EYS: variants seen among roughly 807,000 people sequenced by gnomAD.
The protein encoded by EYS is EGF-like photoreceptor maintenance factor.
A neutral mutation model predicts 282.1 loss-of-function variants in EYS; 250 were observed. That is an observed-to-expected ratio of 0.89 (90% confidence interval 0.80 to 0.98). The LOEUF is 0.98. EYS is among the 50% of genes least tolerant of loss of function. The pLI, the probability that EYS is intolerant of heterozygous loss-of-function variation, is 0.00. For synonymous variants in EYS, 1,355 were observed against 1,282.9 expected (o/e 1.06, Z -1.20); for missense variants, 4,016 against 3,709.0 (o/e 1.08, Z -2.15).
At chr6:64,949,836 A>G (rs765706927) in intron 14 of EYS, among the ~76,000 whole-genome samples, 2 of 151,902 alleles carry the variant, frequency 1.3e-5, no homozygotes, top group Non-Finnish European at 2.9e-5. Flanking sequence ...CTTCATATGT[A>G]AAGTACTAAC....
intron 19 of EYS, among the ~76,000 whole-genome samples, chr6:64,877,083 G>A (rs970269840): frequency 6.6e-6 from 1 of 152,152 alleles, no homozygotes; most frequent in African/African-American, 2.4e-5. Context: ...TAGGATCATT[G>A]CAATATAGGT....
chr6:64,854,584 G>A (rs902870733), intron 19 of EYS, among the ~76,000 whole-genome samples: 1 of 122,426 alleles, frequency 8.2e-6, no homozygotes, highest in Non-Finnish European at 1.6e-5. Flanking sequence ...ACACACGGGG[G>A]CCTGTTGTGG....
At chr6:64,683,152 GA>G (rs774868099) in intron 22 of EYS, among the ~76,000 whole-genome samples, 3 of 152,166 alleles carry the variant, frequency 2.0e-5, no homozygotes, top group Non-Finnish European at 4.4e-5. Flanking sequence ...GCTAAAGGCA[GA>G]ATCAACATTC....
At chr6:64,722,594 A>G (rs1346605982) in intron 22 of EYS, among the ~76,000 whole-genome samples, 1 of 152,122 alleles carries the variant, frequency 6.6e-6, no homozygotes, top group African/African-American at 2.4e-5. Flanking sequence ...CTAGATTTAA[A>G]TGCTATTATA....
intron 37 of EYS, among the ~76,000 whole-genome samples, chr6:63,804,698 T>C (rs970514344): frequency 2.6e-5 from 4 of 152,142 alleles, no homozygotes; most frequent in African/African-American, 9.7e-5. Context: ...TGAAGGCCCT[T>C]TGAGAACATG....
intron 31 of EYS, among the ~76,000 whole-genome samples, chr6:64,133,333 C>A (rs1774046964): frequency 6.6e-6 from 1 of 151,886 alleles, no homozygotes; most frequent in African/African-American, 2.4e-5. Context: ...ATATCTCAGG[C>A]TTACTAACAT....
At chr6:65,369,586 CTT>C (rs1400627021) in intron 8 of EYS, among the ~76,000 whole-genome samples, 1 of 150,936 alleles carries the variant, frequency 6.6e-6, no homozygotes, top group African/African-American at 2.4e-5. Flanking sequence ...TTGATCTTTC[CTT>C]TTTTCTTACT....
chr6:64,125,413 T>A lies in EYS; in HGVS notation c.6425-43411A>T, dbSNP rs1773744764. On this transcript the variant is annotated intron_variant, in intron 31 of 42. Coordinates refer to ENST00000503581, the MANE Select transcript of EYS (RefSeq NM_001142800.2). ...GTAAAAGAAAGGAGCACTTTTTTTT[T>A]TTTAACCAGGCTTTCTTACCAGCTT... 1.3e-5 allele frequency among the ~76,000 whole-genome samples: 2 copies of A among 152,026 alleles called. 1 individual carries two copies. Among genetic ancestry groups the A allele is most frequent in the South Asian group, 4.1e-4 (2 of 4,826 alleles).
intron 22 of EYS, among the ~76,000 whole-genome samples, chr6:64,762,848 G>T (rs1055166908): frequency 6.6e-6 from 1 of 152,042 alleles, no homozygotes; most frequent in Admixed American, 6.5e-5. Context: ...ATAGTGTATT[G>T]ATTTTAGCAA....
intron 5 of EYS, among the ~76,000 whole-genome samples, chr6:65,469,706 A>C (rs1184545230): frequency 1.3e-5 from 2 of 152,064 alleles, no homozygotes; most frequent in Non-Finnish European, 2.9e-5. Context: ...AATACCATTC[A>C]GCTCTTTTTT....
intron 33 of EYS, among the ~76,000 whole-genome samples, chr6:64,034,188 T>C (rs531450068): frequency 3.3e-5 from 5 of 152,246 alleles, no homozygotes; most frequent in Non-Finnish European, 4.4e-5. Context: ...AAAAATAAAG[T>C]TGAAGACAGA....
At chr6:65,668,679 C>A (rs1768280252) in intron 1 of EYS, among the ~76,000 whole-genome samples, 1 of 151,860 alleles carries the variant, frequency 6.6e-6, no homozygotes, top group Admixed American at 6.6e-5. Flanking sequence ...ATATCTGTCT[C>A]TCTCCCTTTC....
intron 19 of EYS, among the ~76,000 whole-genome samples, chr6:64,865,641 G>T (rs551960586): frequency 6.6e-6 from 1 of 152,136 alleles, no homozygotes; most frequent in South Asian, 2.1e-4. Flanking sequence ...TCACTGAAGG[G>T]TTTATAGGGG....
chr6:64,176,493 T>G (rs1162594349), intron 31 of EYS, among the ~76,000 whole-genome samples: 1 of 150,586 alleles, frequency 6.6e-6, no homozygotes, highest in Non-Finnish European at 1.5e-5. Context: ...TTTTAACATA[T>G]CACGATTGTG....
At chr6:64,065,398 T>C (rs1322800129) in intron 33 of EYS, among the ~76,000 whole-genome samples, 3 of 152,204 alleles carry the variant, frequency 2.0e-5, no homozygotes, top group Non-Finnish European at 4.4e-5. Flanking sequence ...ATTTGAGCTA[T>C]ACTGATGAAA....
At chr6:64,168,392 T>A (rs1166877734) in intron 31 of EYS, among the ~76,000 whole-genome samples, 1 of 152,190 alleles carries the variant, frequency 6.6e-6, no homozygotes, top group Non-Finnish European at 1.5e-5. Context: ...GCTGGGCAAA[T>A]TCTTAGAAAG....
At chr6:64,031,764 T>C (rs994763988) in intron 33 of EYS, among the ~76,000 whole-genome samples, 2 of 152,174 alleles carry the variant, frequency 1.3e-5, no homozygotes, top group Non-Finnish European at 2.9e-5. Flanking sequence ...CTAGCTAATC[T>C]GGTGGGGACG....
At chr6:64,638,320 C>T (rs1768038576) in intron 22 of EYS, among the ~76,000 whole-genome samples, 1 of 90,896 alleles carries the variant, frequency 1.1e-5, no homozygotes, top group South Asian at 4.6e-4. Flanking sequence ...TACATTGTTC[C>T]TTTCTAAAGA....
intron 14 of EYS, among the ~76,000 whole-genome samples, chr6:64,952,234 A>G (rs1769536460): frequency 6.6e-6 from 1 of 152,046 alleles, no homozygotes; most frequent in African/African-American, 2.4e-5. Flanking sequence ...AAAGCAGAAC[A>G]AACTCACTTT....
Sources: allele counts gnomAD v4.1 joint callset (sites outside exome capture counted in the v4.1 genomes callset), GRCh38; gene constraint gnomAD v4.1.1; transcripts MANE v1.5; gene names NCBI Gene and HGNC (gene_info 2026-07-23, HGNC 2026-07-21).